Variants in TPD52L1 observed in about 807,000 individuals in gnomAD.
TPD52L1 encodes tumor protein D53.
In TPD52L1, 18 loss-of-function variants were observed where a neutral mutation model predicts 28.7. The observed-to-expected ratio is 0.63, with a 90% CI of 0.43 to 0.93. The LOEUF is 0.93. TPD52L1 is among the 40% of genes least tolerant of loss of function. The pLI is 0.00. For synonymous variants in TPD52L1, 75 were observed against 88.8 expected (o/e 0.84, Z 0.88); for missense variants, 203 against 254.8 (o/e 0.80, Z 1.39).
At chr6:125,199,769 T>C (rs771709307) in intron 1 of TPD52L1, among the ~76,000 whole-genome samples, 1 of 152,370 alleles carries the variant, frequency 6.6e-6, no homozygotes. Flanking sequence ...AATTGAGCAC[T>C]TATAGCACAA....
intron 6 of TPD52L1, chr6:125,262,633 T>C: frequency 1.6e-6 from 1 of 630,098 alleles, no homozygotes. Context: ...AAATTAAAGT[T>C]TGGAATCCTA....
At chr6:125,154,164 A>G in intron 1 of TPD52L1, 194 bp downstream of exon 1, 1 of 1,383,960 alleles carries the variant, frequency 7.2e-7, no homozygotes, top group East Asian at 2.8e-5. Flanking sequence ...CTGGGGATCA[A>G]TAAAGTGACA....
chr6:125,189,254 A>C (rs1341618058), intron 1 of TPD52L1, among the ~76,000 whole-genome samples: 2 of 152,228 alleles, frequency 1.3e-5, no homozygotes, highest in African/African-American at 2.4e-5. Flanking sequence ...CCAGTTGGGC[A>C]TATTGACTAC....
chr6:125,241,075 T>A (rs956776811), intron 3 of TPD52L1, among the ~76,000 whole-genome samples: 1 of 152,144 alleles, frequency 6.6e-6, no homozygotes, highest in Non-Finnish European at 1.5e-5. Context: ...CTGTGTCTAT[T>A]GAGATGATCA....
intron 4 of TPD52L1, among the ~76,000 whole-genome samples, chr6:125,249,340 T>A (rs1264752047): frequency 6.6e-6 from 1 of 151,762 alleles, no homozygotes; most frequent in Non-Finnish European, 1.5e-5. Flanking sequence ...AATCTCTGCG[T>A]ATTTATTTTA....
intron 1 of TPD52L1, among the ~76,000 whole-genome samples, chr6:125,160,756 A>T (rs1026563109): frequency 1.3e-5 from 2 of 152,048 alleles, no homozygotes; most frequent in South Asian, 2.1e-4. Context: ...AGCCACTTTC[A>T]TCAACTATCT....
At chr6:125,201,587 G>A (rs1232964131) in intron 1 of TPD52L1, among the ~76,000 whole-genome samples, 1 of 152,190 alleles carries the variant, frequency 6.6e-6, no homozygotes, top group Non-Finnish European at 1.5e-5. Context: ...CCAACAATGT[G>A]TGGTTAAAGG....
chr6:125,200,575 C>T (rs1484660326), intron 1 of TPD52L1, among the ~76,000 whole-genome samples: 1 of 152,186 alleles, frequency 6.6e-6, no homozygotes, highest in Non-Finnish European at 1.5e-5. Context: ...TCCAACCTCA[C>T]CCTTTTGCAG....
chr6:125,248,567 G>A (rs1235009434), intron 4 of TPD52L1, 184 bp downstream of exon 4: 1 of 572,848 alleles, frequency 1.7e-6, no homozygotes, highest in Non-Finnish European at 3.1e-6. Flanking sequence ...TCTGCCTGAA[G>A]GTCAGGCTTA....
chr6:125,263,716 T>A lies in TPD52L1; in HGVS notation c.*754T>A, dbSNP rs1798182301. 6.6e-6 allele frequency: 1 copy of A among 152,192 alleles called. No homozygotes were observed. The highest frequency in any genetic ancestry group is 1.5e-5 in the Non-Finnish European group (1 of 68,056). 9.4% of individuals were successfully genotyped at this position (152,192 alleles called of 1,614,324 possible). ...AAAGAAAAAAATTAGCCAGACATAG[T>A]GTTGCTTGCCTGTAGTCCCAGCTAC... On this transcript the variant is annotated 3_prime_UTR_variant, in exon 7 of 7. Coordinates refer to ENST00000534000, the MANE Select transcript of TPD52L1 (RefSeq NM_003287.4).
At chr6:125,167,744 C>T (rs1330219954) in intron 1 of TPD52L1, among the ~76,000 whole-genome samples, 2 of 152,054 alleles carry the variant, frequency 1.3e-5, no homozygotes, top group Non-Finnish European at 2.9e-5. Context: ...TAGGAGAAGA[C>T]ACCAAGACTC....
chr6:125,154,732 A>ACGGACC (rs2114717309), intron 1 of TPD52L1, among the ~76,000 whole-genome samples: 1 of 152,234 alleles, frequency 6.6e-6, no homozygotes, highest in African/African-American at 2.4e-5. Flanking sequence ...ATGGGGGTAA[A>ACGGACC]CGGACCGTGG....
At chr6:125,209,851 C>A (rs1418133914) in intron 1 of TPD52L1, among the ~76,000 whole-genome samples, 2 of 152,176 alleles carry the variant, frequency 1.3e-5, no homozygotes, top group Admixed American at 1.3e-4. Context: ...GTGACCTCTG[C>A]AGGCTTAGAG....
chr6:125,248,687 A>C (rs1166825066), intron 4 of TPD52L1, among the ~76,000 whole-genome samples: 1 of 152,212 alleles, frequency 6.6e-6, no homozygotes, highest in Non-Finnish European at 1.5e-5. Context: ...GCAAATTCTT[A>C]CTAGCTGTAA....
At chr6:125,157,684 T>G (rs1001933846) in intron 1 of TPD52L1, among the ~76,000 whole-genome samples, 4 of 152,266 alleles carry the variant, frequency 2.6e-5, no homozygotes, top group Non-Finnish European at 5.9e-5. Context: ...CAATATTTTA[T>G]TATTCTAAAT....
intron 1 of TPD52L1, among the ~76,000 whole-genome samples, chr6:125,216,744 G>A (rs1022841255): frequency 6.6e-6 from 1 of 151,790 alleles, no homozygotes; most frequent in African/African-American, 2.4e-5. Flanking sequence ...CATTGAAACT[G>A]GCTTCTGGCA....
At chr6:125,203,808 T>G in intron 1 of TPD52L1, 1 of 985,418 alleles carries the variant, frequency 1.0e-6, no homozygotes, top group African/African-American at 1.7e-5. Flanking sequence ...TATTTCTGGC[T>G]TTCATTGTAG....
chr6:125,227,267 G>A (rs572917347), intron 2 of TPD52L1, among the ~76,000 whole-genome samples: 1 of 152,180 alleles, frequency 6.6e-6, no homozygotes, highest in Non-Finnish European at 1.5e-5. Flanking sequence ...TTGCTTACGT[G>A]ATTATTTGTG....
At chr6:125,258,835 A>G (rs915250083) in intron 6 of TPD52L1, among the ~76,000 whole-genome samples, 2 of 152,012 alleles carry the variant, frequency 1.3e-5, no homozygotes, top group South Asian at 2.1e-4. Context: ...CTATGCTTGT[A>G]TGACTGTTCA....
Sources: allele counts gnomAD v4.1 joint callset (sites outside exome capture counted in the v4.1 genomes callset), GRCh38; gene constraint gnomAD v4.1.1; transcripts MANE v1.5; gene names NCBI Gene and HGNC (gene_info 2026-07-23, HGNC 2026-07-21).